SCUBE2: variants seen among roughly 807,000 people sequenced by gnomAD.
SCUBE2 encodes the protein signal peptide, CUB and EGF-like domain-containing protein 2.
In SCUBE2, 114 loss-of-function variants were observed where a neutral mutation model predicts 125.9. That is an observed-to-expected ratio of 0.91 (90% CI 0.78 to 1.06). The LOEUF is 1.06. Among genes scored for constraint, SCUBE2 ranks in the 50% least tolerant of loss-of-function variants. The pLI is 0.00. For missense variants in SCUBE2, 1,255 were observed against 1,301.8 expected (o/e 0.96, Z 0.55); for synonymous variants, 459 against 492.9 (o/e 0.93, Z 0.91).
Position 9,052,844 on chromosome 11 carries a change from A to G in SCUBE2, c.1448-12T>C. ...GGCCCCTTGCAGTCCTGACAGACAG[A>G]ATGTCAATTGTCAAATGCATAAGCA... On this transcript the variant is annotated splice_polypyrimidine_tract_variant and intron_variant, in intron 12 of 22. Coordinates refer to ENST00000649792, the MANE Select transcript of SCUBE2 (RefSeq NM_001367977.2). 6.5e-7 allele frequency: 1 copy of G among 1,530,440 alleles called. No individual in the cohort carries two copies. Among genetic ancestry groups the G allele is most frequent in the Non-Finnish European group, 8.8e-7 (1 of 1,140,814 alleles). 94.8% of individuals were successfully genotyped at this position (1,530,440 alleles called of 1,614,324 possible).
intron 22 of SCUBE2, 148 bp from the exon 23 acceptor site, chr11:9,021,345 T>G (rs1855277969): frequency 1.9e-6 from 1 of 538,082 alleles, no homozygotes; most frequent in East Asian, 3.4e-5. Flanking sequence ...TTTTATCTTC[T>G]TTCCAGTTTT....
At chr11:9,089,603 G>T in intron 2 of SCUBE2, 104 bp downstream of exon 2, 1 of 1,289,482 alleles carries the variant, frequency 7.8e-7, no homozygotes, top group Non-Finnish European at 1.1e-6. Context: ...CTGGGGGAAA[G>T]GGAGAGGAGG....
In SCUBE2 at chr11:9,087,668, G is replaced by C. The variant is rs1044250131; in HGVS notation, c.256+2039C>G. On this transcript the variant is annotated intron_variant, in intron 2 of 22. Transcript: ENST00000649792. ...CCTCATGCACAAAGGGGAGCTCCCTGAATGATATCCCAAGGGGTGTCACCA... is the reference window on the plus strand; with the variant it reads ...CCTCATGCACAAAGGGGAGCTCCCTCAATGATATCCCAAGGGGTGTCACCA... 2.0e-5 allele frequency among the ~76,000 whole-genome samples: 3 copies of C among 152,196 alleles called. No individual in the cohort carries two copies. In the South Asian group the frequency reaches 6.2e-4, roughly 32 times the overall value.
chr11:9,050,775 A>T, intron 13 of SCUBE2, 65 bp from the exon 14 acceptor site: 1 of 1,251,132 alleles, frequency 8.0e-7, no homozygotes, highest in South Asian at 1.2e-5. Context: ...ACCAGATGGG[A>T]AGCAGCAAGC....
chr11:9,026,023 C>G, intron 20 of SCUBE2, 169 bp from the exon 21 acceptor site: 1 of 672,422 alleles, frequency 1.5e-6, no homozygotes, highest in Non-Finnish European at 2.4e-6. Flanking sequence ...AGAGTAGATT[C>G]AGCTGGTAAT....
Position 9,030,898 on chromosome 11 carries a change from G to T in SCUBE2, c.2201C>A (p.Ala734Glu), listed in dbSNP as rs778709066. 1.9e-6 allele frequency: 3 copies of T among 1,614,076 alleles called. No individual in the cohort carries two copies. In the South Asian group the frequency reaches 3.3e-5, roughly 18 times the overall value. ...GGLCQPGEYS[A>E]DGFAPCQLCA... ...GAGCTGGCAAGGTGCAAAGCCATCT[G>T]CAGAATATTCACCAGGTTGACACAG... Residue 734 changes from alanine to glutamate, a missense_variant, in exon 18 of 23, where the codon GCA (alanine) becomes GAA (glutamate). Ala to Glu is a moderately radical substitution (Grantham distance 107, BLOSUM62 -1). Coordinates refer to ENST00000649792, the MANE Select transcript of SCUBE2 (RefSeq NM_001367977.2).
intron 16 of SCUBE2, among the ~76,000 whole-genome samples, chr11:9,045,204 C>A (rs548620612): frequency 6.6e-6 from 1 of 152,100 alleles, no homozygotes; most frequent in South Asian, 2.1e-4. Flanking sequence ...TATAAAATTT[C>A]CTTTTTATAT....
rs540843725 is a variant in SCUBE2 at position 9,091,147 on chromosome 11, C to T, written c.133+249G>A. Among the ~76,000 whole-genome samples, 2 of 152,310 alleles carry T rather than the reference C, an allele frequency of 1.3e-5. No homozygotes were observed. Among genetic ancestry groups the T allele is most frequent in the African/African-American group, 4.8e-5 (2 of 41,574 alleles). On this transcript the variant is annotated intron_variant, in intron 1 of 22. Transcript: ENST00000649792. The surrounding 1 kb of genome is among the most constrained non-coding windows in gnomAD (Gnocchi z 8.5). The stretch of plus-strand genomic sequence containing the variant: ...GTCTGACTAGCAGGCGCTCTGGAGG[C>T]ATCCGGACCGGGGCGGGAACCGTCA...
At chr11:9,038,658 A>C (rs1371008499) in intron 16 of SCUBE2, among the ~76,000 whole-genome samples, 1 of 152,114 alleles carries the variant, frequency 6.6e-6, no homozygotes, top group Non-Finnish European at 1.5e-5. Flanking sequence ...ACAAAAAAAA[A>C]CAGGAAATAG....
intron 17 of SCUBE2, among the ~76,000 whole-genome samples, chr11:9,031,590 G>A (rs1013913637): frequency 7.2e-5 from 11 of 151,816 alleles, no homozygotes; most frequent in African/African-American, 9.7e-5. Context: ...TTTGCACCAC[G>A]GCACTCCAGC....
intron 21 of SCUBE2, chr11:9,022,821 C>T (rs1037320029): frequency 2.0e-5 from 3 of 152,234 alleles, no homozygotes; most frequent in African/African-American, 7.2e-5. Flanking sequence ...ATACTCACTT[C>T]CTGTTGAGCT....
At chr11:9,054,718 TA>T (rs1858864215) in intron 10 of SCUBE2, among the ~76,000 whole-genome samples, 68 of 79,776 alleles carry the variant, frequency 8.5e-4, no homozygotes, top group African/African-American at 2.3e-3. Flanking sequence ...TATATATATA[TA>T]TATATATTTT....
rs575725968 is a variant in SCUBE2, at chr11:9,062,410, C to G, written c.851-1886G>C. On this transcript the variant is annotated intron_variant, in intron 7 of 22. Coordinates refer to ENST00000649792, the MANE Select transcript of SCUBE2 (RefSeq NM_001367977.2). Reference sequence around the variant, plus strand: ...ATTCGAGGATCTCCAGATGAAATGGCTATGTCACTGCCTCGTCACCCAAAC... The same window carrying G: ...ATTCGAGGATCTCCAGATGAAATGGGTATGTCACTGCCTCGTCACCCAAAC... 6.6e-4 allele frequency among the ~76,000 whole-genome samples: 100 copies of G among 152,342 alleles called. 1 individual carries two copies. The highest frequency in any genetic ancestry group is 2.2e-3 in the African/African-American group (93 of 41,576).
At chr11:9,055,037 C>A (rs1017922252) in intron 10 of SCUBE2, among the ~76,000 whole-genome samples, 14 of 152,164 alleles carry the variant, frequency 9.2e-5, no homozygotes, top group African/African-American at 1.4e-4. Flanking sequence ...CCCAGCATAT[C>A]CAATCTTCTA....
In SCUBE2 at chr11:9,027,454, G is replaced by A. The variant is rs1014500485; in HGVS notation, c.2611C>T (p.Pro871Ser). 4 of 1,613,974 alleles carry A rather than the reference G, an allele frequency of 2.5e-6. No individual in the cohort carries two copies. Among genetic ancestry groups the A allele is most frequent in the African/African-American group, 2.7e-5 (2 of 74,892 alleles). The change falls in exon 20 of 23, where the codon CCC (proline) becomes TCC (serine). Residue 871 changes from proline (P) to serine (S), a missense_variant. Around this residue, in one of 3 missense-constraint regions of SCUBE2, gnomAD observed 515 missense variants for 515.7 expected, o/e 1.00. Coordinates refer to ENST00000649792, the MANE Select transcript of SCUBE2 (RefSeq NM_001367977.2). ...NTECTWTINP[P>S]PKRRILIVVP... ...ACGATCAGGATGCGGCGCTTGGGGG[G>A]TGGGTTGATGGTCCACGTACACTCG...
chr11:9,027,849 TTTCA>T (rs1855924391), intron 19 of SCUBE2, among the ~76,000 whole-genome samples: 1 of 152,042 alleles, frequency 6.6e-6, no homozygotes, highest in Non-Finnish European at 1.5e-5. Flanking sequence ...TAAATTTAGC[TTTCA>T]GTATTTTGTT....
chr11:9,021,967 A>C lies in SCUBE2; in HGVS notation c.2855-12T>G. On this transcript the variant is annotated splice_polypyrimidine_tract_variant and intron_variant, in intron 21 of 22. Coordinates refer to ENST00000649792, the MANE Select transcript of SCUBE2 (RefSeq NM_001367977.2). The stretch of plus-strand genomic sequence containing the variant: ...TTCCTGGTAGTCCTCTGTTGGAATA[A>C]AGAACATGTTTTGCATTCTTATGAT... The C allele has an allele frequency of 6.2e-7, 1 of 1,600,624 alleles. No homozygotes were observed. Among genetic ancestry groups the C allele is most frequent in the East Asian group, 2.2e-5 (1 of 44,810 alleles).
intron 1 of SCUBE2, chr11:9,090,471 T>C (rs1862557861): frequency 1.7e-5 from 1 of 59,686 alleles, no homozygotes; most frequent in African/African-American, 3.3e-5. Flanking sequence ...ATGAGATTTT[T>C]TTTTTATTTA....
intron 8 of SCUBE2, 70 bp from the exon 9 acceptor site, chr11:9,059,495 C>A: frequency 6.5e-7 from 1 of 1,540,908 alleles, no homozygotes; most frequent in Non-Finnish European, 8.9e-7. Flanking sequence ...CCCTGAAGGG[C>A]CATTGTGTGT....
Sources: allele counts gnomAD v4.1 joint callset (sites outside exome capture counted in the v4.1 genomes callset), GRCh38; gene constraint gnomAD v4.1.1; regional missense constraint gnomAD v4.1.1; non-coding constraint Gnocchi (gnomAD v3.1); transcripts MANE v1.5; gene names NCBI Gene and HGNC (gene_info 2026-07-23, HGNC 2026-07-21).